EBF1: variants seen among roughly 807,000 people sequenced by gnomAD.
EBF1 encodes the protein EBF transcription factor 1.
In EBF1, 10 loss-of-function variants were observed where a neutral mutation model predicts 68.4. The observed-to-expected ratio is 0.15, with a 90% CI of 0.09 to 0.25. EBF1 has a LOEUF of 0.25. Among genes scored for constraint, EBF1 ranks in the 10% least tolerant of loss-of-function variants. The pLI is 1.00. For missense variants in EBF1, 509 were observed against 794.4 expected (o/e 0.64, Z 4.32); for synonymous variants, 298 against 299.8 (o/e 0.99, Z 0.06).
intron 6 of EBF1, among the ~76,000 whole-genome samples, chr5:158,881,190 G>T (rs1798834889): frequency 6.6e-6 from 1 of 152,196 alleles, no homozygotes; most frequent in Admixed American, 6.5e-5. Flanking sequence ...GGGGGAAAGA[G>T]CCACTCGCGT....
At position 158,840,645 on chromosome 5, in the gene EBF1, GTTTTTTTT is replaced by G. The variant is rs534374216; in HGVS notation, c.555-543_555-536del. On this transcript the variant is annotated intron_variant, in intron 6 of 15. Coordinates refer to ENST00000313708, the MANE Select transcript of EBF1 (RefSeq NM_024007.5). Reference sequence around the variant, plus strand: ...TCCTTTGACTTCTCAAATACCTCCTGTTTTTTTTTTTTTTTTTTTTTTTTTTTGTTTTT... The same window carrying G: ...TCCTTTGACTTCTCAAATACCTCCTGTTTTTTTTTTTTTTTTTTTGTTTTT... Among the ~76,000 whole-genome samples, 13 of 64,810 alleles carry G rather than the reference GTTTTTTTT, an allele frequency of 2.0e-4. No homozygotes were observed. In the South Asian group the frequency reaches 3.3e-3, roughly 16 times the overall value. 42.5% of individuals were successfully genotyped at this position (64,810 alleles called of 152,430 possible).
chr5:158,973,121 G>C (rs572517593), intron 6 of EBF1, among the ~76,000 whole-genome samples: 1 of 152,148 alleles, frequency 6.6e-6, no homozygotes, highest in Non-Finnish European at 1.5e-5. Flanking sequence ...TTGATTGTCT[G>C]TCTCCCTGCC....
intron 6 of EBF1, among the ~76,000 whole-genome samples, chr5:158,905,191 C>T (rs1171636005): frequency 6.6e-6 from 1 of 152,168 alleles, no homozygotes; most frequent in African/African-American, 2.4e-5. Flanking sequence ...AAAAACCTCC[C>T]CCATTTGCAC....
chr5:158,752,771 G>A (rs567081635), intron 10 of EBF1, among the ~76,000 whole-genome samples: 5 of 151,956 alleles, frequency 3.3e-5, no homozygotes, highest in Non-Finnish European at 7.4e-5. Flanking sequence ...AATGTCCCAC[G>A]GTTGTAAAAT....
At chr5:158,943,484 G>C (rs1813933702) in intron 6 of EBF1, among the ~76,000 whole-genome samples, 2 of 152,152 alleles carry the variant, frequency 1.3e-5, no homozygotes, top group South Asian at 4.1e-4. Flanking sequence ...ATTAATTCCA[G>C]TTGTGATATA....
At chr5:159,025,903 C>T (rs1009476169) in intron 6 of EBF1, among the ~76,000 whole-genome samples, 1 of 152,188 alleles carries the variant, frequency 6.6e-6, no homozygotes, top group African/African-American at 2.4e-5. Flanking sequence ...TGATTTTCTT[C>T]TTGGGCATTT....
intron 6 of EBF1, among the ~76,000 whole-genome samples, chr5:159,010,719 G>C (rs1764482445): frequency 1.3e-5 from 2 of 152,288 alleles, no homozygotes; most frequent in African/African-American, 2.4e-5. Flanking sequence ...CTCAATGTCA[G>C]CTCCACAGGG....
chr5:158,792,747 G>A (rs1292417299), intron 9 of EBF1, among the ~76,000 whole-genome samples: 1 of 152,196 alleles, frequency 6.6e-6, no homozygotes, highest in Non-Finnish European at 1.5e-5. Context: ...AGGCTAAACA[G>A]GTGAACTGTC....
intron 15 of EBF1, 37 bp from the exon 16 acceptor site, chr5:158,699,179 C>T (rs199602079): frequency 1.1e-5 from 18 of 1,571,150 alleles, no homozygotes; most frequent in Admixed American, 7.4e-5. Context: ...GGTTTCTTTG[C>T]GTTCAAACTT....
intron 6 of EBF1, among the ~76,000 whole-genome samples, chr5:158,881,985 G>A (rs953487812): frequency 4.6e-5 from 7 of 152,164 alleles, no homozygotes; most frequent in African/African-American, 9.7e-5. Flanking sequence ...TACATGTGAC[G>A]AAACTGCTTT....
At chr5:158,951,542 C>A (rs1243237996) in intron 6 of EBF1, among the ~76,000 whole-genome samples, 1 of 152,164 alleles carries the variant, frequency 6.6e-6, no homozygotes, top group African/African-American at 2.4e-5. Context: ...TCAATGGGGT[C>A]TTCTTCCCGC....
intron 6 of EBF1, among the ~76,000 whole-genome samples, chr5:158,950,454 C>A (rs1429066876): frequency 4.6e-5 from 7 of 152,176 alleles, no homozygotes; most frequent in Non-Finnish European, 8.8e-5. Flanking sequence ...AGAGTCCAGC[C>A]CACACAGGAC....
At chr5:158,719,428 C>T (rs1046045486) in intron 11 of EBF1, among the ~76,000 whole-genome samples, 1 of 152,120 alleles carries the variant, frequency 6.6e-6, no homozygotes, top group Non-Finnish European at 1.5e-5. Context: ...GGGAACCAGG[C>T]ATATCATGAC....
chr5:158,944,877 ATGAC>A (rs1403746270), intron 6 of EBF1, among the ~76,000 whole-genome samples: 1 of 152,184 alleles, frequency 6.6e-6, no homozygotes, highest in African/African-American at 2.4e-5. Flanking sequence ...CTTTAGAAAA[ATGAC>A]TGTTCATTTC....
At chr5:158,993,710 C>T (rs1245747290) in intron 6 of EBF1, among the ~76,000 whole-genome samples, 1 of 152,144 alleles carries the variant, frequency 6.6e-6, no homozygotes, top group Admixed American at 6.5e-5. Flanking sequence ...GGAGAAAGCA[C>T]GTGTAAAGAT....
At chr5:158,892,626 T>C (rs1801405857) in intron 6 of EBF1, among the ~76,000 whole-genome samples, 1 of 152,216 alleles carries the variant, frequency 6.6e-6, no homozygotes, top group Non-Finnish European at 1.5e-5. Context: ...ATATATTGTA[T>C]AAAATTGCCT....
intron 7 of EBF1, among the ~76,000 whole-genome samples, chr5:158,828,843 C>G (rs902862058): frequency 2.0e-5 from 3 of 152,176 alleles, no homozygotes; most frequent in Non-Finnish European, 4.4e-5. Context: ...AATAGAATAT[C>G]ATTTTGCAAT....
At chr5:158,964,602 T>A (rs1753728083) in intron 6 of EBF1, among the ~76,000 whole-genome samples, 2 of 152,160 alleles carry the variant, frequency 1.3e-5, no homozygotes, top group Admixed American at 1.3e-4. Context: ...AGGGTCTCTG[T>A]AAGCACAGTA....
At position 158,871,343 on chromosome 5, in the gene EBF1, T is replaced by G. The variant is rs377349589; in HGVS notation, c.555-31233A>C. On this transcript the variant is annotated intron_variant, in intron 6 of 15. Transcript: ENST00000313708. ...ACAAATCTGCATGACCATCCCCTCC[T>G]GACTTAAAAAATAATAATTAAATAA... Among the ~76,000 whole-genome samples the G allele has an allele frequency of 2.0e-3, 310 of 152,272 alleles. 3 individuals carry two copies. The highest frequency in any genetic ancestry group is 7.3e-3 in the African/African-American group (303 of 41,548).
Sources: allele counts gnomAD v4.1 joint callset (sites outside exome capture counted in the v4.1 genomes callset), GRCh38; gene constraint gnomAD v4.1.1; transcripts MANE v1.5; gene names NCBI Gene and HGNC (gene_info 2026-07-23, HGNC 2026-07-21).